Variants in VTI1A observed in about 807,000 individuals in gnomAD.
VTI1A encodes vesicle transport through interaction with t-SNAREs homolog 1A.
A neutral mutation model predicts 34.9 loss-of-function variants in VTI1A; 22 were observed. The observed-to-expected ratio is 0.63, with a 90% CI of 0.45 to 0.90. VTI1A has a LOEUF of 0.90. Ranked by LOEUF, VTI1A falls within the 40% of genes least tolerant of loss-of-function variation. The pLI is 0.00. For missense variants in VTI1A, 268 were observed against 275.6 expected (o/e 0.97, Z 0.20); for synonymous variants, 87 against 97.3 (o/e 0.89, Z 0.62).
chr10:112,589,903 T>C (rs796070847), intron 5 of VTI1A, among the ~76,000 whole-genome samples: 12 of 152,340 alleles, frequency 7.9e-5, no homozygotes, highest in African/African-American at 2.6e-4. Flanking sequence ...CCTGAATTTA[T>C]TTCATGGGAA....
chr10:112,796,431 CAT>C (rs1333507737), intron 7 of VTI1A, among the ~76,000 whole-genome samples: 2 of 149,472 alleles, frequency 1.3e-5, no homozygotes, highest in Non-Finnish European at 3.0e-5. Context: ...AGAAGGCTGT[CAT>C]GTGTCTGCAA....
chr10:112,665,500 T>C (rs1590045058), intron 5 of VTI1A, among the ~76,000 whole-genome samples: 1 of 152,314 alleles, frequency 6.6e-6, no homozygotes, highest in East Asian at 1.9e-4. Context: ...ATGCATACGC[T>C]CTTGCCAATA....
chr10:112,457,718 G>A (rs1361675377), intron 1 of VTI1A, among the ~76,000 whole-genome samples: 3 of 152,116 alleles, frequency 2.0e-5, no homozygotes, highest in Admixed American at 2.0e-4. Flanking sequence ...GGACATAGAC[G>A]ATAGTCATAA....
At chr10:112,621,763 AC>A (rs899066128) in intron 5 of VTI1A, among the ~76,000 whole-genome samples, 1 of 152,144 alleles carries the variant, frequency 6.6e-6, no homozygotes, top group Non-Finnish European at 1.5e-5. Flanking sequence ...TTAATTGTCC[AC>A]TGTGTAACAC....
chr10:112,474,108 G>C (rs746423623), intron 3 of VTI1A, among the ~76,000 whole-genome samples: 4 of 151,840 alleles, frequency 2.6e-5, no homozygotes, highest in East Asian at 3.9e-4. Context: ...GTCGCCTAGG[G>C]TGGAGTGCAG....
At chr10:112,649,335 G>C (rs1036162057) in intron 5 of VTI1A, among the ~76,000 whole-genome samples, 3 of 152,092 alleles carry the variant, frequency 2.0e-5, no homozygotes, top group South Asian at 4.1e-4. Flanking sequence ...TTTTGTTTTG[G>C]TATCATCTGG....
chr10:112,836,948 C>A, the VTI1A span, among the ~76,000 whole-genome samples: 1 of 152,082 alleles, frequency 6.6e-6, no homozygotes, highest in Non-Finnish European at 1.5e-5. Context: ...CATCTTCTAT[C>A]CCTCCAAGGA....
At chr10:112,743,132 T>C (rs1347770181) in intron 7 of VTI1A, among the ~76,000 whole-genome samples, 1 of 152,034 alleles carries the variant, frequency 6.6e-6, no homozygotes, top group Admixed American at 6.6e-5. Flanking sequence ...CCATTTACGC[T>C]TTCCAGGTCT....
At chr10:112,677,315 C>A (rs1057505653) in intron 7 of VTI1A, among the ~76,000 whole-genome samples, 1 of 152,178 alleles carries the variant, frequency 6.6e-6, no homozygotes, top group Admixed American at 6.5e-5. Flanking sequence ...CTCCCTCAAG[C>A]CTTCTTCACT....
chr10:112,642,441 TG>T (rs1173664678), intron 5 of VTI1A, among the ~76,000 whole-genome samples: 4 of 152,156 alleles, frequency 2.6e-5, no homozygotes, highest in Non-Finnish European at 5.9e-5. Context: ...ATGGGACAGA[TG>T]TGAAGGATTC....
chr10:112,681,381 A>G (rs1848213869), intron 7 of VTI1A, among the ~76,000 whole-genome samples: 1 of 152,176 alleles, frequency 6.6e-6, no homozygotes, highest in African/African-American at 2.4e-5. Flanking sequence ...GTGCCCAGCC[A>G]GGAGCCTTCA....
At chr10:112,459,391 C>T (rs1338026946) in intron 1 of VTI1A, among the ~76,000 whole-genome samples, 3 of 152,144 alleles carry the variant, frequency 2.0e-5, no homozygotes, top group Non-Finnish European at 2.9e-5. Flanking sequence ...AAGGCTTTCC[C>T]CTTGCTCTAG....
chr10:112,669,793 C>A (rs549349374), intron 7 of VTI1A, among the ~76,000 whole-genome samples: 1 of 152,194 alleles, frequency 6.6e-6, no homozygotes, highest in Non-Finnish European at 1.5e-5. Flanking sequence ...ATAGAGACAA[C>A]CATCTAAAAA....
intron 5 of VTI1A, among the ~76,000 whole-genome samples, chr10:112,654,386 T>G (rs954483067): frequency 2.0e-5 from 3 of 152,216 alleles, no homozygotes; most frequent in Admixed American, 2.0e-4. Context: ...TCAGTTTAGA[T>G]CTTTTACCAC....
At chr10:112,524,333 A>AT (rs769558825) in intron 3 of VTI1A, among the ~76,000 whole-genome samples, 46 of 152,272 alleles carry the variant, frequency 3.0e-4, no homozygotes, top group Non-Finnish European at 5.9e-4. Context: ...AGTTTTCAGC[A>AT]TTGTTGTGTC....
At chr10:112,749,020 G>C (rs1029558461) in intron 7 of VTI1A, among the ~76,000 whole-genome samples, 1 of 152,148 alleles carries the variant, frequency 6.6e-6, no homozygotes, top group East Asian at 1.9e-4. Flanking sequence ...AAAGTCTACC[G>C]TATGACCCAA....
At chr10:112,498,922 G>A (rs889033017) in intron 3 of VTI1A, among the ~76,000 whole-genome samples, 14 of 152,144 alleles carry the variant, frequency 9.2e-5, no homozygotes, top group African/African-American at 3.4e-4. Flanking sequence ...TCACCACTGG[G>A]ACTGAAATGT....
intron 5 of VTI1A, among the ~76,000 whole-genome samples, chr10:112,619,066 T>TTG (rs1014562092): frequency 2.6e-5 from 4 of 151,558 alleles, no homozygotes; most frequent in Non-Finnish European, 5.9e-5. Context: ...AAACACAGTT[T>TTG]TTTTTTTTTT....
At chr10:112,750,245 G>A (rs2133990693) in intron 7 of VTI1A, among the ~76,000 whole-genome samples, 1 of 152,146 alleles carries the variant, frequency 6.6e-6, no homozygotes, top group East Asian at 1.9e-4. Context: ...CTGGAGTGCG[G>A]TAGCACGAGC....
Sources: allele counts gnomAD v4.1 joint callset (sites outside exome capture counted in the v4.1 genomes callset), GRCh38; gene constraint gnomAD v4.1.1; transcripts MANE v1.5; gene names NCBI Gene and HGNC (gene_info 2026-07-23, HGNC 2026-07-21).